The following RAD54L variants were observed in gnomAD, a reference collection of about 807,000 sequenced individuals.
The protein encoded by RAD54L is RAD54 like.
RAD54L carries 74 observed loss-of-function variants against 91.6 expected under a neutral mutation model. That is an observed-to-expected ratio of 0.81 (90% CI 0.67 to 0.98). RAD54L has a LOEUF of 0.98. Ranked by LOEUF, RAD54L falls within the 50% of genes least tolerant of loss-of-function variation. RAD54L has a pLI of 0.00. For missense variants in RAD54L, 887 were observed against 945.7 expected, an observed-to-expected ratio of 0.94 and a Z score of 0.81; for synonymous variants, 304 against 349.7, an observed-to-expected ratio of 0.87 and a Z score of 1.46.
intron 10 of RAD54L, 92 bp downstream of exon 10, chr1:46,270,877 C>T: frequency 6.4e-7 from 1 of 1,559,056 alleles, no homozygotes; most frequent in Admixed American, 1.7e-5. Flanking sequence ...CCCTCAAAGG[C>T]TGGGATTCTA....
intron 16 of RAD54L, among the ~76,000 whole-genome samples, chr1:46,275,769 T>C (rs1254091988): frequency 6.6e-6 from 1 of 152,182 alleles, no homozygotes; most frequent in Non-Finnish European, 1.5e-5. Flanking sequence ...ACTGAATTCC[T>C]AATTGCCAAA....
Position 46,261,141 on chromosome 1 carries a change from A to AATAGTTG in RAD54L, c.767-118_767-112dup. 9.0e-6 allele frequency: 14 copies of AATAGTTG among 1,547,666 alleles called. No individual in the cohort carries two copies. The South Asian group carries it at 1.6e-4, about 18-fold the overall frequency. ...AGAAGAAAAGAGAATTTCCATTGAAAATAGTTGAAGTGGAGTCAGTTGTTT... is the reference window on the plus strand; with the variant it reads ...AGAAGAAAAGAGAATTTCCATTGAAAATAGTTGATAGTTGAAGTGGAGTCAGTTGTTT... On this transcript the variant is annotated intron_variant, in intron 7 of 17. Coordinates refer to ENST00000371975, the MANE Select transcript of RAD54L (RefSeq NM_003579.4).
At chr1:46,270,832 A>G (rs1475631188) in intron 10 of RAD54L, 47 bp downstream of exon 10, 4 of 1,612,358 alleles carry the variant, frequency 2.5e-6, no homozygotes, top group African/African-American at 1.3e-5. Flanking sequence ...CAAACCATCC[A>G]TGGCCAATCC....
At chr1:46,269,772 A>G (rs1229752744) in intron 9 of RAD54L, among the ~76,000 whole-genome samples, 2 of 152,308 alleles carry the variant, frequency 1.3e-5, no homozygotes, top group South Asian at 2.1e-4. Context: ...ATATATTAAT[A>G]TGATCTGTCT....
intron 8 of RAD54L, among the ~76,000 whole-genome samples, chr1:46,264,160 A>G (rs183696691): frequency 6.6e-6 from 1 of 152,310 alleles, no homozygotes; most frequent in African/African-American, 2.4e-5. Context: ...GACTCTGTGC[A>G]GGGCACAAGG....
In RAD54L at chr1:46,278,122, A is replaced by G. The variant is rs1317322008; in HGVS notation, c.2084A>G (p.Asp695Gly). The G allele has an allele frequency of 6.2e-7, 1 of 1,613,842 alleles. No individual in the cohort carries two copies. The highest frequency in any genetic ancestry group is 1.3e-5 in the African/African-American group (1 of 74,932). ...VNSRQIRPPPDGSDCTSDLAG... is the reference protein window; with the variant it reads ...VNSRQIRPPPGGSDCTSDLAG... ...AGCCGTCAGATCCGGCCACCCCCTG[A>G]TGGTTCTGACTGCACTTCAGACCTG... Residue 695 changes from aspartate to glycine, a missense_variant, in exon 18 of 18, where the codon GAT becomes GGT. By Grantham distance (94) the Asp-to-Gly change is moderately conservative. Transcript: ENST00000371975.
In RAD54L at chr1:46,272,486, C is replaced by T; in HGVS notation, c.1190C>T (p.Ser397Phe). 1 of 1,612,206 alleles carries T rather than the reference C, an allele frequency of 6.2e-7. No homozygotes were observed. Among genetic ancestry groups the T allele is most frequent in the Non-Finnish European group, 8.5e-7 (1 of 1,178,208 alleles). Residue 397 changes from serine to phenylalanine, a missense_variant, in exon 11 of 18, where the codon TCT (serine) becomes TTT (phenylalanine). Transcript: ENST00000371975. The stretch of plus-strand genomic sequence containing the variant: ...TCTAGATGCCTGATACGGAGGACTT[C>T]TGATATCCTTTCTAAATATCTGCCT... ...IVNRCLIRRT[S>F]DILSKYLPVK...
At position 46,247,981 on chromosome 1, in the gene RAD54L, C is replaced by A; in HGVS notation, c.-425C>A. On this transcript the variant is annotated 5_prime_UTR_variant, in exon 1 of 18. Coordinates refer to ENST00000371975, the MANE Select transcript of RAD54L (RefSeq NM_003579.4). ...CCAGACTCGCCCTCCCCACCCGGGCCTCGGACTTTCACCCCAGCTTCTCTC... is the reference window on the plus strand; with the variant it reads ...CCAGACTCGCCCTCCCCACCCGGGCATCGGACTTTCACCCCAGCTTCTCTC... The A allele has an allele frequency of 3.3e-6, 1 of 299,398 alleles. No individual in the cohort carries two copies. Among genetic ancestry groups the A allele is most frequent in the Non-Finnish European group, 6.5e-6 (1 of 153,858 alleles). The allele number at this position is 299,398 out of a possible 1,614,324, so 18.5% of individuals were successfully genotyped here. A position where few individuals can be genotyped will look rare whatever the true frequency, so the allele number is the denominator to read the frequency against.
chr1:46,273,868 C>G (rs947234823), intron 14 of RAD54L, 121 bp downstream of exon 14: 2 of 1,390,156 alleles, frequency 1.4e-6, no homozygotes, highest in Admixed American at 3.9e-5. Context: ...CTGGAGATAT[C>G]TTCCCTTATT....
chr1:46,274,594 C>T lies in RAD54L; in HGVS notation c.1746C>T (p.Leu582=), dbSNP rs2148303346. 6.2e-7 allele frequency: 1 copy of T among 1,613,738 alleles called. No homozygotes were observed. Among genetic ancestry groups the T allele is most frequent in the Non-Finnish European group, 8.5e-7 (1 of 1,180,002 alleles). The change falls in exon 16 of 18, where the codon CTC becomes CTT. Residue 582 remains leucine, a synonymous_variant. Coordinates refer to ENST00000371975, the MANE Select transcript of RAD54L (RefSeq NM_003579.4). ...AAGCTGGGGGCTGTGGCCTCAATCT[C>T]ATTGGGGCTAACCGGCTGGTCATGT... ...SSKAGGCGLN[L]IGANRLVMFD... is the part of the protein sequence containing the mutation.
At chr1:46,248,921 G>C (rs780698562) in intron 2 of RAD54L, among the ~76,000 whole-genome samples, 13 of 152,132 alleles carry the variant, frequency 8.5e-5, no homozygotes, top group Non-Finnish European at 1.5e-5. Context: ...TTTGCTCTTT[G>C]TCCCCTGCCC....
At position 46,260,016 on chromosome 1, in the gene RAD54L, C is replaced by G; in HGVS notation, c.324C>G (p.Ala108=). 6.2e-7 allele frequency: 1 copy of G among 1,614,178 alleles called. No homozygotes were observed. Among genetic ancestry groups the G allele is most frequent in the East Asian group, 2.2e-5 (1 of 44,890 alleles). The change falls in exon 5 of 18, where the codon GCC becomes GCG. Residue 108 remains alanine, a synonymous_variant. Coordinates refer to ENST00000371975, the MANE Select transcript of RAD54L (RefSeq NM_003579.4). The part of the protein sequence containing the change: ...LGLKRAGVRR[A]LHDPLEKDAL... ...TGAAAAGGGCTGGGGTCCGCCGGGC[C>G]CTCCATGACCCCCTGGAAAAAGATG...
chr1:46,248,943 A>G (rs1015619720), intron 2 of RAD54L, among the ~76,000 whole-genome samples: 1 of 152,104 alleles, frequency 6.6e-6, no homozygotes, highest in African/African-American at 2.4e-5. Flanking sequence ...GTGTCACAGA[A>G]CAGTAGAGTG....
intron 10 of RAD54L, among the ~76,000 whole-genome samples, chr1:46,271,409 A>G (rs1660422018): frequency 6.6e-6 from 1 of 152,144 alleles, no homozygotes; most frequent in Non-Finnish European, 1.5e-5. Flanking sequence ...TAATCCCACC[A>G]CTTTGGGAAG....
At chr1:46,269,223 T>G (rs1430349857) in intron 9 of RAD54L, among the ~76,000 whole-genome samples, 2 of 152,234 alleles carry the variant, frequency 1.3e-5, no homozygotes, top group African/African-American at 4.8e-5. Context: ...CTGGTCCGTT[T>G]GTCTCCTTGT....
intron 15 of RAD54L, 111 bp from the exon 16 acceptor site, chr1:46,274,427 C>T (rs1261267979): frequency 2.2e-6 from 3 of 1,384,760 alleles, no homozygotes; most frequent in African/African-American, 1.4e-5. Flanking sequence ...TGGTGGTTTT[C>T]ACAATTGGTA....
rs28363220 is a variant in RAD54L at position 46,263,066 on chromosome 1, G to A, written c.891+1681G>A. Among the ~76,000 whole-genome samples the A allele has an allele frequency of 0.015, 2,235 of 152,262 alleles. 46 individuals carry two copies. Among genetic ancestry groups the A allele is most frequent in the African/African-American group, 0.049 (2,027 of 41,536 alleles). On this transcript the variant is annotated intron_variant, in intron 8 of 17. Coordinates refer to ENST00000371975, the MANE Select transcript of RAD54L (RefSeq NM_003579.4). The surrounding 1 kb of genome is among the most constrained non-coding windows in gnomAD (Gnocchi z 4.3). ...GGTATGTCATAAGGCCTTGGCAAACGTAAGCTCTTGGTGGTTATTCCAGGC... is the reference window on the plus strand; with the variant it reads ...GGTATGTCATAAGGCCTTGGCAAACATAAGCTCTTGGTGGTTATTCCAGGC...
Position 46,248,366 on chromosome 1 carries a change from G to C in RAD54L, c.-40G>C, listed in dbSNP as rs1341371097. On this transcript the variant is annotated 5_prime_UTR_variant, in exon 1 of 18. Transcript: ENST00000371975. Reference sequence around the variant, plus strand: ...TAGCCGCTGCCTGCTTTTGACCTTTGGCTCATGGGTACTTGACGTTTTAAA... The same window carrying C: ...TAGCCGCTGCCTGCTTTTGACCTTTCGCTCATGGGTACTTGACGTTTTAAA... 6.2e-7 allele frequency: 1 copy of C among 1,612,714 alleles called. No homozygotes were observed.
chr1:46,267,436 T>C, intron 8 of RAD54L, 23 bp from the exon 9 acceptor site: 1 of 1,613,580 alleles, frequency 6.2e-7, no homozygotes, highest in Non-Finnish European at 8.5e-7. Flanking sequence ...CACATTGCGC[T>C]CTGAATAAGG....
Sources: gnomAD v4.1 joint callset for allele counts (sites outside exome capture counted in the v4.1 genomes callset) on GRCh38, gnomAD v4.1.1 for gene constraint, Gnocchi (gnomAD v3.1) non-coding constraint, MANE v1.5 for transcripts, NCBI Gene and HGNC (gene_info 2026-07-23, HGNC 2026-07-21) for gene names.